ADA2: variants seen among roughly 807,000 people sequenced by gnomAD.
ADA2 encodes adenosine deaminase CECR1.
ADA2 carries 29 observed loss-of-function variants against 44.2 expected under a neutral mutation model. That is an observed-to-expected ratio of 0.66 (90% CI 0.49 to 0.89). ADA2 has a LOEUF of 0.89. ADA2 is among the 40% of genes least tolerant of loss of function. The pLI, the probability that ADA2 is intolerant of heterozygous loss-of-function variation, is 0.00. For missense variants in ADA2, 637 were observed against 644.8 expected (o/e 0.99, Z 0.13); for synonymous variants, 215 against 234.9 (o/e 0.92, Z 0.77).
intron 4 of ADA2, among the ~76,000 whole-genome samples, chr22:17,202,730 T>A (rs1367376828): frequency 6.6e-6 from 1 of 152,032 alleles, no homozygotes; most frequent in Non-Finnish European, 1.5e-5. Flanking sequence ...CTGGCTCCAA[T>A]TCATCACCTG....
chr22:17,191,699 T>A lies in ADA2; in HGVS notation c.865A>T (p.Ile289Phe). 1 of 1,613,468 alleles carries A rather than the reference T, an allele frequency of 6.2e-7. No homozygotes were observed. Among genetic ancestry groups the A allele is most frequent in the Non-Finnish European group, 8.5e-7 (1 of 1,179,630 alleles). ...CTCTCTCACCTGTGATCCGAATAAA[T>A]GATTTTGATTCCAATAAACTCAGGG... ...THPEFIGIKIIYSDHRSKDVA... is the reference protein window; with the variant it reads ...THPEFIGIKIFYSDHRSKDVA... The change falls in exon 5 of 10, where the codon ATT (isoleucine) becomes TTT (phenylalanine). Residue 289 changes from isoleucine (I) to phenylalanine (F), a missense_variant. Ile to Phe is a conservative substitution (Grantham distance 21). Transcript: ENST00000399837.
chr22:17,207,070 C>T lies in ADA2; in HGVS notation c.542+1G>A, dbSNP rs778864321. The T allele has an allele frequency of 5.6e-6, 9 of 1,612,956 alleles. No homozygotes were observed. Among genetic ancestry groups the T allele is most frequent in the Non-Finnish European group, 7.6e-6 (9 of 1,178,992 alleles). ...CATGTGCTTTCTGAACTACTACTCACCTGTCATCAAACTCAGTGACGTTCT... is the reference window on the plus strand; with the variant it reads ...CATGTGCTTTCTGAACTACTACTCATCTGTCATCAAACTCAGTGACGTTCT... On this transcript the variant is annotated splice_donor_variant, in intron 3 of 9. Coordinates refer to ENST00000399837, the MANE Select transcript of ADA2 (RefSeq NM_001282225.2). LOFTEE classifies it high-confidence loss of function.
chr22:17,199,446 T>TC (rs2062243267), intron 4 of ADA2: 58 of 917,672 alleles, frequency 6.3e-5, no homozygotes, highest in Middle Eastern at 4.6e-4. Flanking sequence ...CCTCTTCCCC[T>TC]CCACCCACGA....
chr22:17,201,102 G>A (rs1235287684), intron 4 of ADA2, among the ~76,000 whole-genome samples: 3 of 151,624 alleles, frequency 2.0e-5, no homozygotes, highest in African/African-American at 7.3e-5. Context: ...CCAGCTACTC[G>A]GGAGGCTGAG....
At position 17,188,488 on chromosome 22, in the gene ADA2, A is replaced by G. The variant is rs1434891703; in HGVS notation, c.973-41T>C. On this transcript the variant is annotated intron_variant, in intron 6 of 9. Transcript: ENST00000399837. ...GGACAGGGAGGTGTCTGCAGGGCGC[A>G]TGCCTCACTTGCTGATGGCGCGCCC... 6.4e-6 allele frequency: 9 copies of G among 1,415,168 alleles called. No homozygotes were observed. The African/African-American group carries it at 1.0e-4, about 16-fold the overall frequency. The allele number at this position is 1,415,168 out of a possible 1,614,324, so 87.7% of individuals were successfully genotyped here.
chr22:17,187,419 G>A (rs1395807459), intron 7 of ADA2, among the ~76,000 whole-genome samples: 1 of 152,000 alleles, frequency 6.6e-6, no homozygotes, highest in Non-Finnish European at 1.5e-5. Flanking sequence ...CCTCTAAGTA[G>A]GTGGGACCAC....
chr22:17,217,553 C>T (rs755137432), intron 1 of ADA2, among the ~76,000 whole-genome samples: 5 of 152,172 alleles, frequency 3.3e-5, no homozygotes, highest in Non-Finnish European at 5.9e-5. Flanking sequence ...GGGGCAGTGG[C>T]TCATGCCTAT....
At position 17,181,510 on chromosome 22, in the gene ADA2, C is replaced by T. The variant is rs1195588577; in HGVS notation, c.1509G>A (p.Lys503=). 1 of 1,613,264 alleles carries T rather than the reference C, an allele frequency of 6.2e-7. No individual in the cohort carries two copies. The stretch of plus-strand genomic sequence containing the variant: ...ACTTTGTAGCCACATCTGCTATGAA[C>T]TTATCCCATCTCTTCTTCCAGATTT... ...FMEIWKKRWD[K]FIADVATK The change falls in exon 10 of 10, where the codon AAG becomes AAA. Residue 503 remains lysine (K), a synonymous_variant. Transcript: ENST00000399837.
chr22:17,193,488 A>C (rs2062150251), intron 4 of ADA2, among the ~76,000 whole-genome samples: 1 of 151,330 alleles, frequency 6.6e-6, no homozygotes. Context: ...AATATGGTGA[A>C]ACCTCGTCTC....
rs1460820814 is a variant in ADA2 at position 17,181,574 on chromosome 22, T to C, written c.1445A>G (p.Tyr482Cys). The C allele has an allele frequency of 6.2e-7, 1 of 1,606,292 alleles. No individual in the cohort carries two copies. Among genetic ancestry groups the C allele is most frequent in the Admixed American group, 1.7e-5 (1 of 59,988 alleles). The change falls in exon 10 of 10, where the codon TAC becomes TGC. Residue 482 changes from tyrosine to cysteine, a missense_variant and splice_region_variant. Coordinates refer to ENST00000399837, the MANE Select transcript of ADA2 (RefSeq NM_001282225.2). ...LKQLAMNSIK[Y>C]STLLESEKNT... ...TTTCTCACTCTCCAACAGGGTACTG[T>C]ACCTGCAGGAAGAGGAGGAGCCCAG... is the stretch of plus-strand genomic sequence containing the variant.
chr22:17,201,810 G>A (rs190956062), intron 4 of ADA2, among the ~76,000 whole-genome samples: 143 of 152,196 alleles, frequency 9.4e-4, no homozygotes, highest in Non-Finnish European at 1.6e-3. Flanking sequence ...CCATCTCAGA[G>A]TACCTAACCT....
chr22:17,179,157 G>T lies in ADA2; in HGVS notation c.*2326C>A, dbSNP rs2061941375. 6.6e-6 allele frequency: 1 copy of T among 152,384 alleles called. No individual in the cohort carries two copies. Among genetic ancestry groups the T allele is most frequent in the Non-Finnish European group, 1.5e-5 (1 of 68,132 alleles). 9.4% of individuals were successfully genotyped at this position (152,384 alleles called of 1,614,324 possible). On this transcript the variant is annotated 3_prime_UTR_variant, in exon 10 of 10. Transcript: ENST00000399837. ...TGATTCCCTGCCATCCTTGAGTTGG[G>T]TGAGGACAGAGGTGGCTTCTTGCAT...
intron 1 of ADA2, among the ~76,000 whole-genome samples, chr22:17,216,796 A>G (rs895977815): frequency 2.0e-5 from 3 of 151,444 alleles, no homozygotes; most frequent in African/African-American, 7.3e-5. Flanking sequence ...ACACATATAT[A>G]TAGAGAGAGA....
chr22:17,210,284 G>A (rs537717635), intron 1 of ADA2, among the ~76,000 whole-genome samples: 2 of 149,894 alleles, frequency 1.3e-5, no homozygotes, highest in South Asian at 2.1e-4. Context: ...TCCGCCTCCC[G>A]GGTTCAAGTG....
chr22:17,212,026 T>C (rs1015629438), intron 1 of ADA2, among the ~76,000 whole-genome samples: 5 of 152,090 alleles, frequency 3.3e-5, no homozygotes, highest in African/African-American at 9.7e-5. Context: ...TTCTTTTCTT[T>C]TCTTTTCTTT....
At position 17,182,684 on chromosome 22, in the gene ADA2, C is replaced by G; in HGVS notation, c.1159G>C (p.Ala387Pro). 1 of 1,614,078 alleles carries G rather than the reference C, an allele frequency of 6.2e-7. No homozygotes were observed. The highest frequency in any genetic ancestry group is 8.5e-7 in the Non-Finnish European group (1 of 1,180,036). Residue 387 changes from alanine to proline, a missense_variant, in exon 8 of 10, where the codon GCT becomes CCT. By Grantham distance (27) the Ala-to-Pro change is conservative (BLOSUM62 -1). Transcript: ENST00000399837. The stretch of plus-strand genomic sequence containing the variant: ...CTGACTGCGGGGTGTTTGCTCAAAG[C>G]AAATCCATGGCCGATTCTGGTAGTG... ...LNTTRIGHGF[A>P]LSKHPAVRTY... is the part of the protein sequence containing the mutation.
chr22:17,187,022 C>T (rs866000587), intron 7 of ADA2, among the ~76,000 whole-genome samples: 5 of 151,504 alleles, frequency 3.3e-5, no homozygotes, highest in African/African-American at 7.3e-5. Context: ...AAAAATTAGC[C>T]GGGCGTGGTG....
intron 7 of ADA2, 53 bp downstream of exon 7, chr22:17,188,286 G>A: frequency 2.3e-6 from 3 of 1,327,752 alleles, no homozygotes; most frequent in Non-Finnish European, 3.2e-6. Context: ...CTGTGGCCAG[G>A]AGCTCTCCCA....
intron 7 of ADA2, 69 bp downstream of exon 7, chr22:17,188,270 A>G (rs1237909368): frequency 2.6e-6 from 3 of 1,145,766 alleles, no homozygotes; most frequent in Non-Finnish European, 3.9e-6. Flanking sequence ...ACCCTGAGGC[A>G]TGGGCCTGTG....
Sources: gnomAD v4.1 joint callset for allele counts (sites outside exome capture counted in the v4.1 genomes callset) on GRCh38, gnomAD v4.1.1 for gene constraint, MANE v1.5 for transcripts, NCBI Gene and HGNC (gene_info 2026-07-23, HGNC 2026-07-21) for gene names.